MYH15: variants seen among roughly 807,000 people sequenced by gnomAD.
MYH15 encodes the protein myosin heavy chain 15, also known as myosin-15.
In MYH15, 227 loss-of-function variants were observed where a neutral mutation model predicts 240.5. That is an observed-to-expected ratio of 0.94 (90% confidence interval 0.85 to 1.05). MYH15 has a LOEUF of 1.05. MYH15 is among the 50% of genes least tolerant of loss of function. MYH15 has a pLI of 0.00. For synonymous variants in MYH15, 785 were observed against 796.7 expected (o/e 0.99, Z 0.25); for missense variants, 2,217 against 2,247.5 (o/e 0.99, Z 0.27).
intron 16 of MYH15, among the ~76,000 whole-genome samples, chr3:108,460,727 T>C (rs1048365673): frequency 2.6e-5 from 4 of 152,298 alleles, no homozygotes; most frequent in African/African-American, 7.2e-5. Context: ...TGTGGATCCA[T>C]ATAACTTATA....
At chr3:108,435,327 C>T (rs566815232) in intron 25 of MYH15, among the ~76,000 whole-genome samples, 6 of 152,258 alleles carry the variant, frequency 3.9e-5, no homozygotes, top group African/African-American at 1.4e-4. Flanking sequence ...GAACACTTAA[C>T]ATGAGCTCTA....
In MYH15 at chr3:108,476,609, A is replaced by G. The variant is rs185259880; in HGVS notation, c.1115-94T>C. The G allele has an allele frequency of 1.2e-4, 99 of 798,178 alleles. No individual in the cohort carries two copies. In the East Asian group the frequency reaches 1.8e-3, roughly 15 times the overall value. 49.4% of individuals were successfully genotyped at this position (798,178 alleles called of 1,614,324 possible). On this transcript the variant is annotated intron_variant, in intron 11 of 40. Transcript: ENST00000693548. ...CAAACTAACTACCCAGAGGACAGAA[A>G]GATAGTGTGTTTACATCAGCGTAGC...
intron 17 of MYH15, among the ~76,000 whole-genome samples, chr3:108,459,895 A>C (rs1313479712): frequency 6.6e-6 from 1 of 152,152 alleles, no homozygotes; most frequent in Non-Finnish European, 1.5e-5. Context: ...AATGATTCAG[A>C]CTCAGCTTTA....
At chr3:108,537,419 TTAA>T in the MYH15 span, among the ~76,000 whole-genome samples, 1 of 152,204 alleles carries the variant, frequency 6.6e-6, no homozygotes. Context: ...TGCCAATGTA[TTAA>T]TAATAGTATT....
chr3:108,396,945 TGAA>T (rs2082466395), intron 35 of MYH15, among the ~76,000 whole-genome samples: 1 of 152,216 alleles, frequency 6.6e-6, no homozygotes, highest in African/African-American at 2.4e-5. Context: ...TCCTTCACCT[TGAA>T]GGAGTTTTGG....
intron 32 of MYH15, among the ~76,000 whole-genome samples, chr3:108,406,084 A>G (rs1239853816): frequency 1.3e-5 from 2 of 152,228 alleles, no homozygotes; most frequent in African/African-American, 4.8e-5. Flanking sequence ...ATTCAAATAT[A>G]GTTAAGGCAA....
intron 27 of MYH15, among the ~76,000 whole-genome samples, chr3:108,421,450 C>A (rs755916558): frequency 1.3e-5 from 2 of 152,238 alleles, no homozygotes; most frequent in Admixed American, 6.5e-5. Context: ...AGACACCCAA[C>A]TTCCTGGGTA....
chr3:108,499,396 G>C (rs562496353), intron 5 of MYH15, 59 bp downstream of exon 5: 36 of 1,493,886 alleles, frequency 2.4e-5, no homozygotes, highest in Admixed American at 5.1e-5. Flanking sequence ...TGAAATGGAG[G>C]TATCTATTTC....
At chr3:108,499,664 C>T (rs2083421617) in intron 4 of MYH15, among the ~76,000 whole-genome samples, 182 bp from the exon 5 acceptor site, 1 of 152,080 alleles carries the variant, frequency 6.6e-6, no homozygotes, top group Non-Finnish European at 1.5e-5. Context: ...TTTCTCTTGC[C>T]CCTATGTATG....
chr3:108,441,386 T>A, intron 22 of MYH15, 126 bp from the exon 23 acceptor site: 1 of 1,044,186 alleles, frequency 9.6e-7, no homozygotes, highest in South Asian at 1.5e-5. Context: ...CACCTACCTT[T>A]CCTAAACAGC....
chr3:108,543,813 C>T, the MYH15 span: 1 of 152,276 alleles, frequency 6.6e-6, no homozygotes, highest in Non-Finnish European at 1.5e-5. Context: ...CTGAACCAAA[C>T]TGCTACTGCC....
chr3:108,550,546 T>C, the MYH15 span: 1 of 151,500 alleles, frequency 6.6e-6, no homozygotes, highest in Non-Finnish European at 1.5e-5. Context: ...TTTAACACAA[T>C]GACAGTTTTC....
upstream of MYH15, chr3:108,510,664 T>C (rs373362599): frequency 2.6e-4 from 357 of 1,390,762 alleles, no homozygotes; most frequent in Admixed American, 4.8e-4. Context: ...ACCATTCACA[T>C]AGATAGACTA....
intron 31 of MYH15, among the ~76,000 whole-genome samples, chr3:108,409,616 C>T (rs1247012086): frequency 1.3e-5 from 2 of 152,204 alleles, no homozygotes; most frequent in Admixed American, 1.3e-4. Context: ...TTCATTTACG[C>T]CTCCAACAGT....
intron 1 of MYH15, among the ~76,000 whole-genome samples, chr3:108,520,577 A>C (rs190429037): frequency 3.2e-4 from 49 of 152,316 alleles, no homozygotes; most frequent in Admixed American, 1.2e-3. Context: ...AGGCAAGGGT[A>C]TGAGATGTCA....
chr3:108,399,132 G>A lies in MYH15; in HGVS notation c.4872C>T (p.Ala1624=). ...LNEMELQLSC[A]NRQVSEATKS... is the part of the protein sequence containing the mutation. ...TGGTTGCTTCTGACACCTGCCGGTTGGCACAGCTAAGCTGGAGTTCCATCT... is the reference window on the plus strand; with the variant it reads ...TGGTTGCTTCTGACACCTGCCGGTTAGCACAGCTAAGCTGGAGTTCCATCT... The change falls in exon 34 of 41, where the codon GCC becomes GCT. Residue 1624 remains alanine (A), a synonymous_variant. Transcript: ENST00000693548. 6.2e-7 allele frequency: 1 copy of A among 1,614,204 alleles called. No homozygotes were observed. The highest frequency in any genetic ancestry group is 1.1e-5 in the South Asian group (1 of 91,088).
At chr3:108,511,978 G>C (rs1389707575), upstream of MYH15, among the ~76,000 whole-genome samples, 5 of 152,074 alleles carry the variant, frequency 3.3e-5, no homozygotes, top group Non-Finnish European at 7.4e-5. Flanking sequence ...GTGACTTGTG[G>C]GAAATCACTT....
chr3:108,485,276 T>C, intron 10 of MYH15, 47 bp from the exon 11 acceptor site: 2 of 1,606,052 alleles, frequency 1.2e-6, no homozygotes, highest in South Asian at 2.2e-5. Flanking sequence ...GCTTAATGGC[T>C]GCAGTGAGCA....
chr3:108,497,186 A>G (rs2083397993), intron 6 of MYH15, among the ~76,000 whole-genome samples: 1 of 129,068 alleles, frequency 7.7e-6, no homozygotes, highest in Admixed American at 7.9e-5. Context: ...AAAAAAAAAA[A>G]GAGCTCAATG....
Sources: gnomAD v4.1 joint callset for allele counts (sites outside exome capture counted in the v4.1 genomes callset) on GRCh38, gnomAD v4.1.1 for gene constraint, MANE v1.5 for transcripts, NCBI Gene and HGNC (gene_info 2026-07-23, HGNC 2026-07-21) for gene names.